Variants in LAMA2 observed in about 807,000 individuals in gnomAD.
LAMA2 encodes laminin subunit alpha 2.
LAMA2 carries 269 observed loss-of-function variants against 364.8 expected under a neutral mutation model. The ratio of observed to expected loss-of-function variants is 0.74; its 90% CI spans 0.67 to 0.82. The LOEUF (loss-of-function observed/expected upper bound fraction) is 0.82. LAMA2 is among the 40% of genes least tolerant of loss of function. LAMA2 has a pLI of 0.00. For missense variants in LAMA2, 3,807 were observed against 3,873.2 expected, an observed-to-expected ratio of 0.98 and a Z score of 0.45; for synonymous variants, 1,379 against 1,370.6, an observed-to-expected ratio of 1.01 and a Z score of -0.14.
At chr6:129,430,832 G>A (rs1299834319) in intron 41 of LAMA2, among the ~76,000 whole-genome samples, 1 of 152,024 alleles carries the variant, frequency 6.6e-6, no homozygotes, top group African/African-American at 2.4e-5. Flanking sequence ...GACAGAGTGA[G>A]AGCCTGTCTC....
At position 128,917,843 on chromosome 6, in the gene LAMA2, C is replaced by T. The variant is rs576587731; in HGVS notation, c.112+34486C>T. ...TGACATCTCAGTTTCAAGTGATACT[C>T]CCACTTCAGCCTCTTCACTAGCTGG... is the stretch of plus-strand genomic sequence containing the variant. On this transcript the variant is annotated intron_variant, in intron 1 of 64. Transcript: ENST00000421865. Among the ~76,000 whole-genome samples the T allele has an allele frequency of 5.8e-4, 87 of 150,414 alleles. 1 individual carries two copies. The Middle Eastern group carries it at 0.014, about 24-fold the overall frequency.
intron 43 of LAMA2, chr6:129,442,309 T>C: frequency 1.1e-5 from 10 of 928,758 alleles, no homozygotes; most frequent in Non-Finnish European, 1.4e-5. Flanking sequence ...ACATATAACA[T>C]AAACTTCAGA....
At chr6:129,488,301 C>T (rs1474121627) in intron 56 of LAMA2, among the ~76,000 whole-genome samples, 1 of 152,150 alleles carries the variant, frequency 6.6e-6, no homozygotes, top group Non-Finnish European at 1.5e-5. Context: ...CAGAGCAAGA[C>T]TCCAACTCGG....
intron 21 of LAMA2, among the ~76,000 whole-genome samples, chr6:129,299,458 T>C (rs1441844448): frequency 6.6e-6 from 1 of 152,174 alleles, no homozygotes; most frequent in Non-Finnish European, 1.5e-5. Flanking sequence ...AATTGTGTTA[T>C]ACATTGTGCT....
chr6:129,036,485 A>C (rs1453143500), intron 1 of LAMA2, among the ~76,000 whole-genome samples: 2 of 152,226 alleles, frequency 1.3e-5, no homozygotes, highest in African/African-American at 4.8e-5. Context: ...CCTAAGATCC[A>C]TTGGAGTATG....
intron 12 of LAMA2, among the ~76,000 whole-genome samples, chr6:129,242,415 A>C (rs1185024413): frequency 6.6e-6 from 1 of 152,136 alleles, no homozygotes. Context: ...TCTTTAGCTT[A>C]AAGGAACTTG....
chr6:128,961,318 G>T (rs933448153), intron 1 of LAMA2, among the ~76,000 whole-genome samples: 13 of 57,794 alleles, frequency 2.2e-4, no homozygotes, highest in Admixed American at 8.5e-4. Flanking sequence ...GAACTAATAT[G>T]ATATATATAT....
At chr6:129,024,885 G>A (rs1430126624) in intron 1 of LAMA2, among the ~76,000 whole-genome samples, 1 of 152,030 alleles carries the variant, frequency 6.6e-6, no homozygotes, top group African/African-American at 2.4e-5. Flanking sequence ...GGAGTCTGAG[G>A]TTATAGCACA....
intron 32 of LAMA2, among the ~76,000 whole-genome samples, chr6:129,359,066 T>A (rs1428866266): frequency 6.6e-6 from 1 of 151,732 alleles, no homozygotes; most frequent in African/African-American, 2.4e-5. Flanking sequence ...AAATATTAAG[T>A]GAGATAATGA....
At chr6:128,949,900 C>T (rs570188724) in intron 1 of LAMA2, among the ~76,000 whole-genome samples, 9 of 152,136 alleles carry the variant, frequency 5.9e-5, no homozygotes, top group Non-Finnish European at 1.2e-4. Flanking sequence ...TTAATTTTAA[C>T]TAGACGATTT....
chr6:129,283,983 C>G (rs867310449), intron 18 of LAMA2, among the ~76,000 whole-genome samples: 1 of 152,116 alleles, frequency 6.6e-6, no homozygotes, highest in African/African-American at 2.4e-5. Flanking sequence ...TGCACAAAGG[C>G]ACTCAGGGAA....
At chr6:129,383,703 C>G (rs1778823919) in intron 35 of LAMA2, among the ~76,000 whole-genome samples, 1 of 152,112 alleles carries the variant, frequency 6.6e-6, no homozygotes, top group Non-Finnish European at 1.5e-5. Context: ...TTATGAGAAG[C>G]TCTGGTGCAT....
At chr6:129,389,094 G>A (rs1022933104) in intron 35 of LAMA2, among the ~76,000 whole-genome samples, 3 of 152,146 alleles carry the variant, frequency 2.0e-5, no homozygotes, top group Non-Finnish European at 4.4e-5. Flanking sequence ...GTGAAATATT[G>A]GGAGGATTCT....
At chr6:128,910,451 C>G (rs1346405242) in intron 1 of LAMA2, among the ~76,000 whole-genome samples, 3 of 152,198 alleles carry the variant, frequency 2.0e-5, no homozygotes, top group Non-Finnish European at 2.9e-5. Context: ...CTTCTGCATT[C>G]TTCACGTAGT....
At chr6:129,360,514 G>A (rs1315527053) in intron 32 of LAMA2, among the ~76,000 whole-genome samples, 1 of 152,152 alleles carries the variant, frequency 6.6e-6, no homozygotes, top group African/African-American at 2.4e-5. Context: ...CCCCATGGCT[G>A]TCATATTCAT....
chr6:129,073,964 T>A (rs1054586473), intron 3 of LAMA2, among the ~76,000 whole-genome samples: 1 of 152,204 alleles, frequency 6.6e-6, no homozygotes, highest in African/African-American at 2.4e-5. Context: ...TTAAAATGAT[T>A]TATTTTCATT....
At chr6:129,465,586 T>C (rs959753488) in intron 51 of LAMA2, among the ~76,000 whole-genome samples, 19 of 151,900 alleles carry the variant, frequency 1.3e-4, no homozygotes, top group African/African-American at 4.6e-4. Flanking sequence ...AAATGTTGGG[T>C]GCTTTTCTTT....
intron 58 of LAMA2, among the ~76,000 whole-genome samples, chr6:129,501,877 C>T (rs1440986634): frequency 6.6e-6 from 1 of 152,194 alleles, no homozygotes; most frequent in Non-Finnish European, 1.5e-5. Context: ...GTGATCTACT[C>T]AGCCAGGACT....
intron 4 of LAMA2, among the ~76,000 whole-genome samples, chr6:129,121,586 G>T (rs1776809477): frequency 6.6e-6 from 1 of 152,124 alleles, no homozygotes; most frequent in Admixed American, 6.6e-5. Context: ...CAAGCAGGAA[G>T]TTCTGGAAGA....
Sources: gnomAD v4.1 joint callset for allele counts (sites outside exome capture counted in the v4.1 genomes callset) on GRCh38, gnomAD v4.1.1 for gene constraint, MANE v1.5 for transcripts, NCBI Gene and HGNC (gene_info 2026-07-23, HGNC 2026-07-21) for gene names.